DMXL1: variants seen among roughly 807,000 people sequenced by gnomAD.
DMXL1 encodes Dmx like 1.
Under a neutral mutation model 319.2 loss-of-function variants are expected in DMXL1, and 99 were observed. The ratio of observed to expected loss-of-function variants is 0.31; its 90% CI spans 0.26 to 0.37. The LOEUF (loss-of-function observed/expected upper bound fraction) is 0.37. Among genes scored for constraint, DMXL1 ranks in the 10% least tolerant of loss-of-function variants. The pLI is 1.00. For synonymous variants in DMXL1, 1,385 were observed against 1,235.2 expected (o/e 1.12, Z -2.54); for missense variants, 3,745 against 3,595.6 (o/e 1.04, Z -1.06).
chr5:119,085,901 T>G (rs2149713181), intron 1 of DMXL1, among the ~76,000 whole-genome samples: 1 of 152,330 alleles, frequency 6.6e-6, no homozygotes, highest in Non-Finnish European at 1.5e-5. Context: ...AAAGGGATGT[T>G]GAATTTTATC....
intron 26 of DMXL1, among the ~76,000 whole-genome samples, 161 bp downstream of exon 26, chr5:119,175,498 A>G (rs1177607347): frequency 6.6e-6 from 1 of 152,134 alleles, no homozygotes; most frequent in Non-Finnish European, 1.5e-5. Flanking sequence ...TGAAATTTTT[A>G]TGGCAGATGA....
At chr5:119,135,813 A>G (rs1233062033) in intron 13 of DMXL1, among the ~76,000 whole-genome samples, 3 of 152,204 alleles carry the variant, frequency 2.0e-5, no homozygotes, top group Non-Finnish European at 2.9e-5. Context: ...TTATGAATCA[A>G]TTAAACTTAT....
At chr5:119,095,293 A>G (rs1323449046) in intron 1 of DMXL1, among the ~76,000 whole-genome samples, 1 of 152,236 alleles carries the variant, frequency 6.6e-6, no homozygotes, top group Non-Finnish European at 1.5e-5. Flanking sequence ...GTAATTCAGA[A>G]CTAGATAAGT....
chr5:119,137,540 G>T (rs1232944796), intron 13 of DMXL1, among the ~76,000 whole-genome samples: 1 of 152,154 alleles, frequency 6.6e-6, no homozygotes, highest in Admixed American at 6.5e-5. Context: ...ATCTCATTTC[G>T]AATTATAATT....
chr5:119,120,237 A>G (rs1580813164), intron 8 of DMXL1, among the ~76,000 whole-genome samples: 1 of 152,230 alleles, frequency 6.6e-6, no homozygotes, highest in Admixed American at 6.5e-5. Flanking sequence ...TTATCTTTGA[A>G]TGCTTTGTAT....
intron 40 of DMXL1, among the ~76,000 whole-genome samples, chr5:119,237,661 A>G (rs1788002968): frequency 6.6e-6 from 1 of 152,016 alleles, no homozygotes; most frequent in South Asian, 2.1e-4. Flanking sequence ...CCAGATACCT[A>G]TACATCTTGT....
rs775447497 is a variant in DMXL1, at chr5:119,178,061, T to C, written c.6952T>C (p.Leu2318=). Residue 2318 remains leucine (L), a synonymous_variant, in exon 28 of 44, where the codon TTG becomes CTG. Coordinates refer to ENST00000539542, the MANE Select transcript of DMXL1 (RefSeq NM_001290321.3). ...GEEAQSGLTV[L]LCEILTAVYL... The stretch of plus-strand genomic sequence containing the variant: ...GGAAGCCCAGTCAGGGCTTACAGTC[T>C]TGCTCTGTGAGATTCTCACAGCAGT... 1.2e-6 allele frequency: 2 copies of C among 1,613,824 alleles called. No individual in the cohort carries two copies. Among genetic ancestry groups the C allele is most frequent in the Middle Eastern group, 1.6e-4 (1 of 6,078 alleles).
At chr5:119,122,795 G>C (rs1762495561) in intron 9 of DMXL1, among the ~76,000 whole-genome samples, 1 of 151,610 alleles carries the variant, frequency 6.6e-6, no homozygotes, top group Non-Finnish European at 1.5e-5. Context: ...TGGCGGCCGG[G>C]CAGAGATGCT....
intron 1 of DMXL1, among the ~76,000 whole-genome samples, chr5:119,088,542 C>G (rs1169203033): frequency 6.6e-6 from 1 of 152,082 alleles, no homozygotes; most frequent in Admixed American, 6.6e-5. Context: ...TGTTGTTTTT[C>G]TGGTTGTTTT....
chr5:119,172,028 AAATATTAAGGCTTTTTTTTAAGT>A, intron 25 of DMXL1, 59 bp downstream of exon 25: 1 of 1,442,462 alleles, frequency 6.9e-7, no homozygotes, highest in Admixed American at 2.3e-5. Flanking sequence ...ACTACAAGAT[AAATATTAAGGCTTTTTTTTAAGT>A]AATTTTAAAC....
In DMXL1 at chr5:119,166,710, C is replaced by T; in HGVS notation, c.5065C>T (p.Leu1689=). The T allele has an allele frequency of 6.2e-7, 1 of 1,612,840 alleles. No homozygotes were observed. The highest frequency in any genetic ancestry group is 8.5e-7 in the Non-Finnish European group (1 of 1,179,532). ...KAALKNAFSL[L]GKQRFEHSAA... ...AGCTTTAAAGAATGCTTTTTCTTTG[C>T]TAGGCAAACAAAGATTTGAACATTC... Residue 1689 remains leucine (L), a synonymous_variant, in exon 22 of 44, where the codon CTA becomes TTA. Coordinates refer to ENST00000539542, the MANE Select transcript of DMXL1 (RefSeq NM_001290321.3).
chr5:119,196,191 A>G (rs1779592586), intron 30 of DMXL1, among the ~76,000 whole-genome samples, 180 bp from the exon 31 acceptor site: 2 of 152,128 alleles, frequency 1.3e-5, no homozygotes, highest in South Asian at 2.1e-4. Context: ...GGTTATTTCT[A>G]CACTTCTGCT....
chr5:119,076,174 ATTTCCCTTT>A (rs1750817507), intron 1 of DMXL1, among the ~76,000 whole-genome samples: 2 of 152,174 alleles, frequency 1.3e-5, no homozygotes, highest in African/African-American at 4.8e-5. Flanking sequence ...TATAGCTCCA[ATTTCCCTTT>A]AGTATTAGAA....
Position 119,242,563 on chromosome 5 carries a change from A to G in DMXL1, c.8705-1796A>G, listed in dbSNP as rs1339205199. On this transcript the variant is annotated intron_variant, in intron 42 of 43. Coordinates refer to ENST00000539542, the MANE Select transcript of DMXL1 (RefSeq NM_001290321.3). ...GTCTTGATTTTATAGATTCAACACA[A>G]TCCTAATCAAAATTCCAGCATGCTA... Among the ~76,000 whole-genome samples the G allele has an allele frequency of 2.6e-5, 4 of 152,280 alleles. No homozygotes were observed. In the East Asian group the frequency reaches 5.8e-4, roughly 22 times the overall value.
At chr5:119,073,251 G>A (rs899656180) in intron 1 of DMXL1, among the ~76,000 whole-genome samples, 2 of 152,086 alleles carry the variant, frequency 1.3e-5, no homozygotes, top group East Asian at 1.9e-4. Flanking sequence ...TTTGTAGAGA[G>A]GGGTCTCCTT....
intron 37 of DMXL1, among the ~76,000 whole-genome samples, chr5:119,223,496 A>C (rs1785004470): frequency 6.6e-6 from 1 of 152,186 alleles, no homozygotes; most frequent in South Asian, 2.1e-4. Context: ...TATACTCCAA[A>C]GCATTGTAAT....
chr5:119,237,253 C>G, intron 39 of DMXL1, 69 bp from the exon 40 acceptor site: 5 of 910,140 alleles, frequency 5.5e-6, no homozygotes, highest in South Asian at 1.9e-5. Flanking sequence ...GGGTGTCACA[C>G]TGAGGGTAAG....
At chr5:119,139,135 G>A (rs1316259126) in intron 13 of DMXL1, among the ~76,000 whole-genome samples, 1 of 152,178 alleles carries the variant, frequency 6.6e-6, no homozygotes, top group African/African-American at 2.4e-5. Context: ...GAAGGGAGTA[G>A]TAAATATTGA....
chr5:119,126,035 A>C (rs1394351703), intron 9 of DMXL1, among the ~76,000 whole-genome samples: 1 of 152,174 alleles, frequency 6.6e-6, no homozygotes, highest in East Asian at 1.9e-4. Context: ...TCACATCTCT[A>C]ATCCCAGCAC....
Sources: gnomAD v4.1 joint callset for allele counts (sites outside exome capture counted in the v4.1 genomes callset) on GRCh38, gnomAD v4.1.1 for gene constraint, MANE v1.5 for transcripts, NCBI Gene and HGNC (gene_info 2026-07-23, HGNC 2026-07-21) for gene names.